Variants in RING1 observed in about 807,000 individuals in gnomAD.
The protein encoded by RING1 is E3 ubiquitin-protein ligase RING1.
RING1 carries 8 observed loss-of-function variants against 35.0 expected under a neutral mutation model. The observed-to-expected ratio is 0.23, with a 90% CI of 0.13 to 0.41. The LOEUF (loss-of-function observed/expected upper bound fraction) is 0.41, where lower values mean the gene tolerates loss of function less well. Among genes scored for constraint, RING1 ranks in the 10% least tolerant of loss-of-function variants. The pLI is 1.00. For missense variants in RING1, 343 were observed against 546.8 expected, an observed-to-expected ratio of 0.63 and a Z score of 3.72; for synonymous variants, 214 against 224.3, an observed-to-expected ratio of 0.95 and a Z score of 0.41.
rs9469382 is a variant in RING1 at position 33,211,599 on chromosome 6, T to G, written c.845+52T>G. On this transcript the variant is annotated intron_variant, in intron 5 of 6. Transcript: ENST00000374656. The surrounding 1 kb of genome is among the most constrained non-coding windows in gnomAD (Gnocchi z 6.3). Reference sequence around the variant, plus strand: ...ACTGAGAAACCAAAGATCACCTAGATTTCCATCAGAAGTGGGCTTTGCCCA... The same window carrying G: ...ACTGAGAAACCAAAGATCACCTAGAGTTCCATCAGAAGTGGGCTTTGCCCA... 54,897 of 1,589,078 alleles carry G rather than the reference T, an allele frequency of 0.035. 1,301 individuals are homozygous for G. The highest frequency in any genetic ancestry group is 0.074 in the Middle Eastern group (439 of 5,918).
Position 33,211,545 on chromosome 6 carries a change from G to A in RING1, c.843G>A (p.Thr281=), listed in dbSNP as rs763222116. The A allele has an allele frequency of 5.6e-6, 9 of 1,610,440 alleles. No individual in the cohort carries two copies. Among genetic ancestry groups the A allele is most frequent in the South Asian group, 1.1e-5 (1 of 91,054 alleles). ...LLVEKGEYCQ[T]RYVKTTGNAT... ...TGGAGAAGGGAGAATACTGCCAGAC[G>A]AGGTGAGGAGCCCTGTCTTTCCCCA... Residue 281 remains threonine (T), a splice_region_variant and synonymous_variant, in exon 5 of 7, where the codon ACG becomes ACA. Transcript: ENST00000374656. This position sits in a 1 kb window ranked among gnomAD's most constrained non-coding sequence, Gnocchi z 6.3.
chr6:33,208,780 C>T lies in RING1; in HGVS notation c.-43C>T, dbSNP rs774183521. The T allele has an allele frequency of 9.2e-6, 14 of 1,524,088 alleles. No homozygotes were observed. Among genetic ancestry groups the T allele is most frequent in the African/African-American group, 2.8e-5 (2 of 72,484 alleles). 94.4% of individuals were successfully genotyped at this position (1,524,088 alleles called of 1,614,324 possible). ...CCACCCCCAGCCTTCTTCGCCTTCT[C>T]CTCGGCTGTGGAGCCCTGGTGGGGG... On this transcript the variant is annotated 5_prime_UTR_variant, in exon 2 of 7. Coordinates refer to ENST00000374656, the MANE Select transcript of RING1 (RefSeq NM_002931.4). This position sits in a 1 kb window ranked among gnomAD's most constrained non-coding sequence, Gnocchi z 6.2.
rs1056580089 is a variant in RING1 at position 33,209,510 on chromosome 6, G to A, written c.79-116G>A. Reference sequence around the variant, plus strand: ...TTTCTCAGAATTCTTGTCTCCTATAGAGACCAACATGGGTCTTCTCACTGT... The same window carrying A: ...TTTCTCAGAATTCTTGTCTCCTATAAAGACCAACATGGGTCTTCTCACTGT... On this transcript the variant is annotated intron_variant, in intron 2 of 6. Transcript: ENST00000374656. The surrounding 1 kb of genome is among the most constrained non-coding windows in gnomAD (Gnocchi z 5.1). The A allele has an allele frequency of 1.0e-6, 1 of 1,004,764 alleles. No homozygotes were observed. Among genetic ancestry groups the A allele is most frequent in the Admixed American group, 2.2e-5 (1 of 44,902 alleles). 62.2% of individuals were successfully genotyped at this position (1,004,764 alleles called of 1,614,324 possible).
Position 33,208,967 on chromosome 6 carries a change from C to A in RING1, c.78+67C>A. 7.7e-7 allele frequency: 1 copy of A among 1,293,782 alleles called. No homozygotes were observed. Among genetic ancestry groups the A allele is most frequent in the Non-Finnish European group, 1.1e-6 (1 of 906,484 alleles). The allele number at this position is 1,293,782 out of a possible 1,614,324, so 80.1% of individuals were successfully genotyped here. ...ACCCTTATATCCACAGACCGCATCA[C>A]ACAGCTTCTTTTCCGTAATTTGCTC... On this transcript the variant is annotated intron_variant, in intron 2 of 6. Transcript: ENST00000374656. This position sits in a 1 kb window ranked among gnomAD's most constrained non-coding sequence, Gnocchi z 6.2.
At position 33,209,618 on chromosome 6, in the gene RING1, G is replaced by A; in HGVS notation, c.79-8G>A. On this transcript the variant is annotated splice_region_variant and splice_polypyrimidine_tract_variant and intron_variant, in intron 2 of 6. Transcript: ENST00000374656. This position sits in a 1 kb window ranked among gnomAD's most constrained non-coding sequence, Gnocchi z 5.1. The stretch of plus-strand genomic sequence containing the variant: ...CCACACCACCTTTCTACTCACTGAT[G>A]CCTTCAGGAAGCCATAATGGATGGC... 6.2e-7 allele frequency: 1 copy of A among 1,610,364 alleles called. No individual in the cohort carries two copies. Among genetic ancestry groups the A allele is most frequent in the Non-Finnish European group, 8.5e-7 (1 of 1,177,908 alleles).
chr6:33,211,749 A>G lies in RING1; in HGVS notation c.866A>G (p.Asn289Ser). 1 of 1,549,992 alleles carries G rather than the reference A, an allele frequency of 6.5e-7. No homozygotes were observed. The highest frequency in any genetic ancestry group is 8.7e-7 in the Non-Finnish European group (1 of 1,146,806). Residue 289 changes from asparagine (N) to serine (S), a missense_variant, in exon 6 of 7, where the codon AAT becomes AGT. Physicochemically the swap from Asn to Ser is conservative, Grantham distance 46. Around this residue, in one of 2 missense-constraint regions of RING1, gnomAD observed 278 missense variants for 383.5 expected, o/e 0.72. Transcript: ENST00000374656. This position sits in a 1 kb window ranked among gnomAD's most constrained non-coding sequence, Gnocchi z 6.3. ...CQTRYVKTTG[N>S]ATVDHLSKYL... is the part of the protein sequence containing the mutation. ...TCCAGGTATGTGAAGACAACTGGGA[A>G]TGCCACAGTGGACCACCTCTCCAAG...
chr6:33,212,035 G>A (rs1775578034), intron 6 of RING1, 33 bp downstream of exon 6: 2 of 1,467,436 alleles, frequency 1.4e-6, no homozygotes, highest in Non-Finnish European at 1.8e-6. Flanking sequence ...GTAGAAGAGG[G>A]GAGAGGAGGG....
rs954681940 is a variant in RING1 at position 33,211,001 on chromosome 6, G to A, written c.456-157G>A. On this transcript the variant is annotated intron_variant, in intron 4 of 6. Coordinates refer to ENST00000374656, the MANE Select transcript of RING1 (RefSeq NM_002931.4). This position sits in a 1 kb window ranked among gnomAD's most constrained non-coding sequence, Gnocchi z 6.3. ...ATTCATTGTATTAGGTAAGGGGATT[G>A]GTGCAAAACACTTAGTATACTGAGT... 2.0e-5 allele frequency among the ~76,000 whole-genome samples: 3 copies of A among 152,152 alleles called. No homozygotes were observed. The highest frequency in any genetic ancestry group is 7.2e-5 in the African/African-American group (3 of 41,418).
rs748149114 is a variant in RING1, at chr6:33,211,671, A to G, written c.846-58A>G. On this transcript the variant is annotated intron_variant, in intron 5 of 6. Transcript: ENST00000374656. This position sits in a 1 kb window ranked among gnomAD's most constrained non-coding sequence, Gnocchi z 6.3. ...CCAGAATCCATTTTGGAAAGCCCCTACCTCCAGTCCTCATCTGAGGCGCTC... is the reference window on the plus strand; with the variant it reads ...CCAGAATCCATTTTGGAAAGCCCCTGCCTCCAGTCCTCATCTGAGGCGCTC... 5 of 1,538,114 alleles carry G rather than the reference A, an allele frequency of 3.3e-6. No individual in the cohort carries two copies. Among genetic ancestry groups the G allele is most frequent in the Non-Finnish European group, 4.4e-6 (5 of 1,145,150 alleles).
Position 33,211,115 on chromosome 6 carries a change from T to C in RING1, c.456-43T>C. On this transcript the variant is annotated intron_variant, in intron 4 of 6. Coordinates refer to ENST00000374656, the MANE Select transcript of RING1 (RefSeq NM_002931.4). This position sits in a 1 kb window ranked among gnomAD's most constrained non-coding sequence, Gnocchi z 6.3. ...TCTCTGAAGTTTAAAGTCTAAGCCCTTTATCCTGGATGCCTTCTAACCTTA... is the reference window on the plus strand; with the variant it reads ...TCTCTGAAGTTTAAAGTCTAAGCCCCTTATCCTGGATGCCTTCTAACCTTA... The C allele has an allele frequency of 6.5e-7, 1 of 1,529,176 alleles. No individual in the cohort carries two copies. The highest frequency in any genetic ancestry group is 8.8e-7 in the Non-Finnish European group (1 of 1,137,494). The allele number at this position is 1,529,176 out of a possible 1,614,324, so 94.7% of individuals were successfully genotyped here.
Position 33,209,049 on chromosome 6 carries a change from C to G in RING1, c.78+149C>G. On this transcript the variant is annotated intron_variant, in intron 2 of 6. Coordinates refer to ENST00000374656, the MANE Select transcript of RING1 (RefSeq NM_002931.4). The surrounding 1 kb of genome is among the most constrained non-coding windows in gnomAD (Gnocchi z 5.1). Reference sequence around the variant, plus strand: ...CACCTTAATCTTTCCAAAGCACTTTCGCATTTAGCTCATTTAATCCTCAAA... The same window carrying G: ...CACCTTAATCTTTCCAAAGCACTTTGGCATTTAGCTCATTTAATCCTCAAA... The G allele has an allele frequency of 1.3e-6, 1 of 741,008 alleles. No homozygotes were observed. Among genetic ancestry groups the G allele is most frequent in the Non-Finnish European group, 2.4e-6 (1 of 411,192 alleles). The allele number at this position is 741,008 out of a possible 1,614,324, so 45.9% of individuals were successfully genotyped here.
rs1182096397 is a variant in RING1, at chr6:33,208,522, A to ATGGCGGCGGCGG, written c.-174_-163dup. The ATGGCGGCGGCGG allele has an allele frequency of 7.1e-6, 3 of 423,312 alleles. No homozygotes were observed. Among genetic ancestry groups the ATGGCGGCGGCGG allele is most frequent in the African/African-American group, 2.1e-5 (1 of 48,666 alleles). The allele number at this position is 423,312 out of a possible 1,614,324, so 26.2% of individuals were successfully genotyped here. A position where few individuals can be genotyped will look rare whatever the true frequency, so the allele number is the denominator to read the frequency against. Reference sequence around the variant, plus strand: ...GACGTAGGGCCCCAGCGCCCGGGCCATGGCGGCGGCGGTGGCGGGAGCTGC... The same window carrying ATGGCGGCGGCGG: ...GACGTAGGGCCCCAGCGCCCGGGCCATGGCGGCGGCGGTGGCGGCGGCGGTGGCGGGAGCTGC... On this transcript the variant is annotated 5_prime_UTR_variant, in exon 1 of 7. Transcript: ENST00000374656. This position sits in a 1 kb window ranked among gnomAD's most constrained non-coding sequence, Gnocchi z 6.2.
In RING1 at chr6:33,211,267, G is replaced by A; in HGVS notation, c.565G>A (p.Asp189Asn). The A allele has an allele frequency of 6.2e-7, 1 of 1,612,738 alleles. No homozygotes were observed. The highest frequency in any genetic ancestry group is 8.5e-7 in the Non-Finnish European group (1 of 1,179,916). Residue 189 changes from aspartate (D) to asparagine (N), a missense_variant, in exon 5 of 7, where the codon GAC becomes AAC. Physicochemically the swap from Asp to Asn is conservative, Grantham distance 23. Transcript: ENST00000374656. The surrounding 1 kb of genome is among the most constrained non-coding windows in gnomAD (Gnocchi z 6.3). ...AGGGGATGGAGAAGATGTGAGCTCA[G>A]ACTCCGCCCCTGACTCTGCCCCAGG... ...GEGDGEDVSS[D>N]SAPDSAPGPA...
chr6:33,209,756 C>T lies in RING1; in HGVS notation c.209C>T (p.Ser70Phe). The T allele has an allele frequency of 6.2e-7, 1 of 1,613,792 alleles. No homozygotes were observed. The highest frequency in any genetic ancestry group is 8.5e-7 in the Non-Finnish European group (1 of 1,180,030). Residue 70 changes from serine to phenylalanine, a missense_variant, in exon 3 of 7, where the codon TCT (serine) becomes TTT (phenylalanine). This residue lies in a region of RING1 where 65 missense variants were observed against 163.3 expected (regional missense o/e 0.40). Coordinates refer to ENST00000374656, the MANE Select transcript of RING1 (RefSeq NM_002931.4). The surrounding 1 kb of genome is among the most constrained non-coding windows in gnomAD (Gnocchi z 5.1). ...AAGGAGTGCCTCCACAGATTCTGCT[C>T]TGACTGCATTGTCACAGCCCTACGG... ...TTKECLHRFC[S>F]DCIVTALRSG...
In RING1 at chr6:33,212,012, T is replaced by G; in HGVS notation, c.1119+10T>G. The G allele has an allele frequency of 6.6e-7, 1 of 1,516,690 alleles. No individual in the cohort carries two copies. The highest frequency in any genetic ancestry group is 1.4e-5 in the African/African-American group (1 of 72,720). The allele number at this position is 1,516,690 out of a possible 1,614,324, so 94.0% of individuals were successfully genotyped here. A position where few individuals can be genotyped will look rare whatever the true frequency, so the allele number is the denominator to read the frequency against. ...AGGCGGGGCGTTCACGGTGAGAGCT[T>G]CTGAGGGCAGTGGTAGAAGAGGGGA... On this transcript the variant is annotated intron_variant, in intron 6 of 6. Coordinates refer to ENST00000374656, the MANE Select transcript of RING1 (RefSeq NM_002931.4).
Position 33,212,279 on chromosome 6 carries a change from CCTT to C in RING1, c.1120-18_1120-16del, listed in dbSNP as rs1252116167. On this transcript the variant is annotated splice_polypyrimidine_tract_variant and intron_variant, in intron 6 of 6. Transcript: ENST00000374656. The stretch of plus-strand genomic sequence containing the variant: ...TTTCCTCTCTCTTTTCCCCTCTCTC[CCTT>C]TTACCCCCTCCTCAGACGTTGAATG... 4.6e-6 allele frequency: 7 copies of C among 1,515,322 alleles called. No individual in the cohort carries two copies. Among genetic ancestry groups the C allele is most frequent in the Non-Finnish European group, 6.3e-6 (7 of 1,111,018 alleles). 93.9% of individuals were successfully genotyped at this position (1,515,322 alleles called of 1,614,324 possible).
Position 33,211,852 on chromosome 6 carries a change from C to G in RING1, c.969C>G (p.Ala323=), listed in dbSNP as rs769737800. ...AGCCAGGAGGGCCTGGAGGGGGCGC[C>G]TCTGACACCGGAGGACCTGATGGGT... ...AGEPGGPGGG[A]SDTGGPDGCG... The change falls in exon 6 of 7, where the codon GCC becomes GCG. Residue 323 remains alanine (A), a synonymous_variant. Coordinates refer to ENST00000374656, the MANE Select transcript of RING1 (RefSeq NM_002931.4). The surrounding 1 kb of genome is among the most constrained non-coding windows in gnomAD (Gnocchi z 6.3). 6.2e-7 allele frequency: 1 copy of G among 1,612,798 alleles called. No individual in the cohort carries two copies. The highest frequency in any genetic ancestry group is 8.5e-7 in the Non-Finnish European group (1 of 1,179,534).
rs1220787594 is a variant in RING1 at position 33,211,813 on chromosome 6, G to A, written c.930G>A (p.Gln310=). The change falls in exon 6 of 7, where the codon CAG becomes CAA. Residue 310 remains glutamine (Q), a synonymous_variant. Coordinates refer to ENST00000374656, the MANE Select transcript of RING1 (RefSeq NM_002931.4). This position sits in a 1 kb window ranked among gnomAD's most constrained non-coding sequence, Gnocchi z 6.3. ...GCATTGCCCTCGAGCGGAGGCAACA[G>A]CAGGAAGCAGGGGAGCCAGGAGGGC... ...ALRIALERRQ[Q]QEAGEPGGPG... The A allele has an allele frequency of 2.5e-6, 4 of 1,608,398 alleles. No homozygotes were observed. Among genetic ancestry groups the A allele is most frequent in the East Asian group, 4.5e-5 (2 of 44,706 alleles).
Position 33,212,002 on chromosome 6 carries a change from G to C in RING1, c.1119G>C (p.Thr373=). The C allele has an allele frequency of 6.5e-7, 1 of 1,528,458 alleles. No homozygotes were observed. Among genetic ancestry groups the C allele is most frequent in the Non-Finnish European group, 8.8e-7 (1 of 1,134,238 alleles). The allele number at this position is 1,528,458 out of a possible 1,614,324, so 94.7% of individuals were successfully genotyped here. The stretch of plus-strand genomic sequence containing the variant: ...TCGCACCTGGAGGCGGGGCGTTCAC[G>C]GTGAGAGCTTCTGAGGGCAGTGGTA... The part of the protein sequence containing the change: ...IYIAPGGGAF[T]TLNGSLTLEL... The change falls in exon 6 of 7, where the codon ACG becomes ACC. Residue 373 remains threonine, a splice_region_variant and synonymous_variant. Coordinates refer to ENST00000374656, the MANE Select transcript of RING1 (RefSeq NM_002931.4).
Sources: gnomAD v4.1 joint callset for allele counts (sites outside exome capture counted in the v4.1 genomes callset) on GRCh38, gnomAD v4.1.1 for gene constraint, gnomAD v4.1.1 regional missense constraint, Gnocchi (gnomAD v3.1) non-coding constraint, MANE v1.5 for transcripts, NCBI Gene and HGNC (gene_info 2026-07-23, HGNC 2026-07-21) for gene names.